The following ADARB2 variants were observed in gnomAD, a reference collection of about 807,000 sequenced individuals.
ADARB2 encodes the protein adenosine deaminase RNA specific B2 (inactive).
In ADARB2, 25 loss-of-function variants were observed where a neutral mutation model predicts 62.2. The observed-to-expected ratio is 0.40, with a 90% CI of 0.29 to 0.56. The LOEUF is 0.56. Among genes scored for constraint, ADARB2 ranks in the 20% least tolerant of loss-of-function variants. ADARB2 has a pLI of 0.43. For synonymous variants in ADARB2, 572 were observed against 500.8 expected (o/e 1.14, Z -1.90); for missense variants, 1,071 against 1,077.4 (o/e 0.99, Z 0.08).
Position 1,477,087 on chromosome 10 carries a change from G to T in ADARB2, c.101-97927C>A, listed in dbSNP as rs1300676744. On this transcript the variant is annotated intron_variant, in intron 1 of 9. Transcript: ENST00000381312. This position sits in a 1 kb window ranked among gnomAD's most constrained non-coding sequence, Gnocchi z 4.5. ...AGAGCACCTTCACAGCCACGCAAGGGCACCCTCCCACTGCGCAGCACTGCC... is the reference window on the plus strand; with the variant it reads ...AGAGCACCTTCACAGCCACGCAAGGTCACCCTCCCACTGCGCAGCACTGCC... Among the ~76,000 whole-genome samples, 3 of 152,102 alleles carry T rather than the reference G, an allele frequency of 2.0e-5. No homozygotes were observed. Among genetic ancestry groups the T allele is most frequent in the Admixed American group, 6.5e-5 (1 of 15,274 alleles).
chr10:1,287,143 G>T (rs1053306049), intron 3 of ADARB2, among the ~76,000 whole-genome samples: 1 of 152,160 alleles, frequency 6.6e-6, no homozygotes, highest in Non-Finnish European at 1.5e-5. Context: ...CTTTGCTGCT[G>T]CTGGTGAGGC....
At chr10:1,638,866 A>G (rs974808638) in intron 1 of ADARB2, among the ~76,000 whole-genome samples, 1 of 152,212 alleles carries the variant, frequency 6.6e-6, no homozygotes, top group Non-Finnish European at 1.5e-5. Context: ...TCGGGGGCTC[A>G]CATACTTCTC....
chr10:1,349,575 G>A (rs1832114591), intron 3 of ADARB2, among the ~76,000 whole-genome samples: 1 of 152,044 alleles, frequency 6.6e-6, no homozygotes, highest in Admixed American at 6.6e-5. Flanking sequence ...TCCAGTAAGT[G>A]GCCTCTTTTT....
chr10:1,488,867 T>A (rs1335206398), intron 1 of ADARB2, among the ~76,000 whole-genome samples: 1 of 152,210 alleles, frequency 6.6e-6, no homozygotes, highest in Non-Finnish European at 1.5e-5. Flanking sequence ...AGGAGATGGT[T>A]TCTTCTTGGT....
chr10:1,707,289 A>AG (rs1834901645), intron 1 of ADARB2, among the ~76,000 whole-genome samples: 2 of 152,218 alleles, frequency 1.3e-5, no homozygotes, highest in African/African-American at 2.4e-5. Flanking sequence ...GAGGAGGCAG[A>AG]GGGAAGACTC....
chr10:1,593,309 C>T (rs1182905025), intron 1 of ADARB2, among the ~76,000 whole-genome samples: 4 of 146,618 alleles, frequency 2.7e-5, no homozygotes, highest in Non-Finnish European at 6.0e-5. Context: ...TGGCATGGTC[C>T]CCTCTGTCAC....
In ADARB2 at chr10:1,670,564, G is replaced by A. The variant is rs572031552; in HGVS notation, c.100+66487C>T. Among the ~76,000 whole-genome samples, 9 of 152,292 alleles carry A rather than the reference G, an allele frequency of 5.9e-5. No individual in the cohort carries two copies. In the South Asian group the frequency reaches 1.0e-3, roughly 18 times the overall value. ...ACCGGCAGCCACCCCTCTCCCAGTG[G>A]CCCCGGCCCTGCCACACATACCAGC... On this transcript the variant is annotated intron_variant, in intron 1 of 9. Transcript: ENST00000381312.
intron 1 of ADARB2, among the ~76,000 whole-genome samples, chr10:1,590,774 T>TGGAC (rs1437234434): frequency 6.6e-6 from 1 of 152,022 alleles, no homozygotes; most frequent in Non-Finnish European, 1.5e-5. Context: ...TGGTGTGAGG[T>TGGAC]GGACGGTGGA....
chr10:1,548,978 C>T (rs1247820897), intron 1 of ADARB2, among the ~76,000 whole-genome samples: 1 of 152,028 alleles, frequency 6.6e-6, no homozygotes, highest in Non-Finnish European at 1.5e-5. Flanking sequence ...GGGAGAGAGG[C>T]GTTGGTTTGT....
At chr10:1,288,735 G>GCAGC (rs1831436543) in intron 3 of ADARB2, among the ~76,000 whole-genome samples, 1 of 152,240 alleles carries the variant, frequency 6.6e-6, no homozygotes, top group Admixed American at 6.5e-5. Flanking sequence ...GAGCAGGCAG[G>GCAGC]CAGCCACCTG....
At chr10:1,212,947 A>G (rs1837176855) in intron 7 of ADARB2, among the ~76,000 whole-genome samples, 1 of 152,188 alleles carries the variant, frequency 6.6e-6, no homozygotes, top group Non-Finnish European at 1.5e-5. Flanking sequence ...AGAAGCAGAC[A>G]GTACCTGGAA....
intron 1 of ADARB2, among the ~76,000 whole-genome samples, chr10:1,567,237 G>A (rs962596275): frequency 6.6e-6 from 1 of 152,008 alleles, no homozygotes; most frequent in African/African-American, 2.4e-5. Context: ...GAAGATTGGA[G>A]TCTGGTCTTT....
Position 1,623,702 on chromosome 10 carries a change from A to T in ADARB2, c.100+113349T>A, listed in dbSNP as rs192569603. On this transcript the variant is annotated intron_variant, in intron 1 of 9. Transcript: ENST00000381312. ...TTCCCTGCCTTATTGAAGACATTGGAGACCTCCCTCCCGCCTACAGGACCA... is the reference window on the plus strand; with the variant it reads ...TTCCCTGCCTTATTGAAGACATTGGTGACCTCCCTCCCGCCTACAGGACCA... Among the ~76,000 whole-genome samples the T allele has an allele frequency of 3.3e-5, 5 of 152,322 alleles. No individual in the cohort carries two copies. In the East Asian group the frequency reaches 5.8e-4, roughly 18 times the overall value.
At chr10:1,206,416 TGA>T (rs1837066710) in intron 7 of ADARB2, among the ~76,000 whole-genome samples, 1 of 151,944 alleles carries the variant, frequency 6.6e-6, no homozygotes, top group South Asian at 2.1e-4. Flanking sequence ...CTGTGTGGTC[TGA>T]GAGAACTGGG....
chr10:1,584,623 C>T (rs2676706), intron 1 of ADARB2, among the ~76,000 whole-genome samples: 79,367 of 152,034 alleles, frequency 0.52, 20,997 homozygotes, highest in East Asian at 0.66. Flanking sequence ...CTTATGTCCA[C>T]GCAAAAACCT....
At chr10:1,403,428 G>A (rs1313642410) in intron 1 of ADARB2, among the ~76,000 whole-genome samples, 4 of 152,222 alleles carry the variant, frequency 2.6e-5, no homozygotes, top group Non-Finnish European at 5.9e-5. Context: ...CTGGTCAGGT[G>A]TGGACTGTGC....
intron 1 of ADARB2, among the ~76,000 whole-genome samples, chr10:1,488,834 G>T (rs1418991482): frequency 6.6e-6 from 1 of 151,746 alleles, no homozygotes; most frequent in Non-Finnish European, 1.5e-5. Flanking sequence ...GGTCCTTGAC[G>T]ATATCGTCTG....
chr10:1,275,832 G>A (rs1164286898), intron 3 of ADARB2, among the ~76,000 whole-genome samples: 3 of 152,078 alleles, frequency 2.0e-5, no homozygotes, highest in South Asian at 2.1e-4. Flanking sequence ...CAAAGGACAC[G>A]AACTCATCAT....
At chr10:1,324,274 G>A (rs1186632395) in intron 3 of ADARB2, among the ~76,000 whole-genome samples, 1 of 152,222 alleles carries the variant, frequency 6.6e-6, no homozygotes, top group Non-Finnish European at 1.5e-5. Flanking sequence ...AAGGGCCCGG[G>A]TGGGTCCCTC....
Sources: gnomAD v4.1 joint callset for allele counts (sites outside exome capture counted in the v4.1 genomes callset) on GRCh38, gnomAD v4.1.1 for gene constraint, Gnocchi (gnomAD v3.1) non-coding constraint, MANE v1.5 for transcripts, NCBI Gene and HGNC (gene_info 2026-07-23, HGNC 2026-07-21) for gene names.